AKR1D1: variants seen among roughly 807,000 people sequenced by gnomAD.
AKR1D1 encodes delta(4)-3-ketosteroid 5-beta-reductase.
In AKR1D1, 32 loss-of-function variants were observed where a neutral mutation model predicts 42.6. That is an observed-to-expected ratio of 0.75 (90% confidence interval 0.57 to 1.01). The LOEUF (loss-of-function observed/expected upper bound fraction) is 1.01. Ranked by LOEUF, AKR1D1 falls within the 50% of genes least tolerant of loss-of-function variation. AKR1D1 has a pLI of 0.00. For synonymous variants in AKR1D1, 123 were observed against 135.5 expected (o/e 0.91, Z 0.64); for missense variants, 364 against 402.2 (o/e 0.91, Z 0.81).
chr7:138,116,758 T>A lies in AKR1D1; in HGVS notation c.*96T>A. 8.8e-7 allele frequency: 1 copy of A among 1,134,662 alleles called. No homozygotes were observed. The highest frequency in any genetic ancestry group is 1.3e-6 in the Non-Finnish European group (1 of 756,704). 70.3% of individuals were successfully genotyped at this position (1,134,662 alleles called of 1,614,324 possible). A position where few individuals can be genotyped will look rare whatever the true frequency, so the allele number is the denominator to read the frequency against. On this transcript the variant is annotated 3_prime_UTR_variant, in exon 9 of 9. Coordinates refer to ENST00000242375, the MANE Select transcript of AKR1D1 (RefSeq NM_005989.4). ...ATGTGAAAATGAAGAGAGAGGGTTT[T>A]ACCATCCTGAGAAGAAATAATGATG...
At chr7:138,088,280 T>G (rs1793978466) in intron 1 of AKR1D1, among the ~76,000 whole-genome samples, 1 of 152,216 alleles carries the variant, frequency 6.6e-6, no homozygotes, top group Admixed American at 6.5e-5. Flanking sequence ...TAATTTAGCC[T>G]TCTTCAATCA....
chr7:138,115,208 T>C (rs114522937), intron 8 of AKR1D1, among the ~76,000 whole-genome samples: 2,822 of 152,246 alleles, frequency 0.019, 94 homozygotes, highest in African/African-American at 0.064. Flanking sequence ...TCTGGGAGGC[T>C]AAGATAGGAG....
At position 138,106,628 on chromosome 7, in the gene AKR1D1, C is replaced by T. The variant is rs766498724; in HGVS notation, c.600C>T (p.Phe200=). 14 of 1,614,046 alleles carry T rather than the reference C, an allele frequency of 8.7e-6. No individual in the cohort carries two copies. The South Asian group carries it at 1.4e-4, about 16-fold the overall frequency. The change falls in exon 6 of 9, where the codon TTC becomes TTT. Residue 200 remains phenylalanine, a synonymous_variant. Transcript: ENST00000242375. ...CATAGGTTGAGTGCCATCCGTATTT[C>T]ACCCAGCCAAAACTCTTGAAATTTT... The part of the protein sequence containing the change: ...VSNQVECHPY[F]TQPKLLKFCQ...
chr7:138,111,356 C>G (rs1794533503), intron 7 of AKR1D1, among the ~76,000 whole-genome samples: 1 of 152,162 alleles, frequency 6.6e-6, no homozygotes. Flanking sequence ...TTCCCTTCCC[C>G]CACTATCTCT....
chr7:138,094,729 A>T (rs1428905368), intron 3 of AKR1D1, among the ~76,000 whole-genome samples: 1 of 152,168 alleles, frequency 6.6e-6, no homozygotes, highest in Non-Finnish European at 1.5e-5. Context: ...TATGTTGACC[A>T]TGCTGGTCTG....
intron 1 of AKR1D1, among the ~76,000 whole-genome samples, chr7:138,085,840 G>A (rs1163517304): frequency 6.6e-6 from 1 of 151,594 alleles, no homozygotes; most frequent in Non-Finnish European, 1.5e-5. Flanking sequence ...CATTTGTCTG[G>A]GGCTCCCTTC....
intron 1 of AKR1D1, among the ~76,000 whole-genome samples, chr7:138,077,436 T>C (rs931459922): frequency 6.6e-6 from 1 of 152,202 alleles, no homozygotes; most frequent in Non-Finnish European, 1.5e-5. Flanking sequence ...ACCTTCCCCA[T>C]GATTCAATTA....
In AKR1D1 at chr7:138,113,867, T is replaced by C. The variant is rs570738702; in HGVS notation, c.938+95T>C. On this transcript the variant is annotated intron_variant, in intron 8 of 8. Coordinates refer to ENST00000242375, the MANE Select transcript of AKR1D1 (RefSeq NM_005989.4). ...TCATAAGAACCCTGACCTATGTCCA[T>C]AGCACCAGGGCAAAGCATGGTGGGC... 3.5e-5 allele frequency: 40 copies of C among 1,127,746 alleles called. 2 individuals are homozygous for C. The African/African-American group carries it at 4.6e-4, about 13-fold the overall frequency. The allele number at this position is 1,127,746 out of a possible 1,614,324, so 69.9% of individuals were successfully genotyped here.
chr7:138,087,203 A>AG (rs959226014), intron 1 of AKR1D1, among the ~76,000 whole-genome samples: 6 of 152,164 alleles, frequency 3.9e-5, no homozygotes, highest in Admixed American at 3.9e-4. Flanking sequence ...CATTCTCTGG[A>AG]GAGGAGAAAC....
At position 138,107,432 on chromosome 7, in the gene AKR1D1, C is replaced by T; in HGVS notation, c.707C>T (p.Pro236Leu). 6.2e-7 allele frequency: 1 copy of T among 1,614,050 alleles called. No individual in the cohort carries two copies. The highest frequency in any genetic ancestry group is 8.5e-7 in the Non-Finnish European group (1 of 1,179,938). The change falls in exon 7 of 9, where the codon CCA becomes CTA. Residue 236 changes from proline (P) to leucine (L), a missense_variant. Physicochemically the swap from Pro to Leu is moderately conservative, Grantham distance 98. Coordinates refer to ENST00000242375, the MANE Select transcript of AKR1D1 (RefSeq NM_005989.4). ...RNPIWVNVSS[P>L]PLLKDALLNS... ...TTTTTAAGGGTGAATGTTTCTTCTC[C>T]ACCTTTGTTAAAGGATGCACTTCTA...
chr7:138,104,332 A>T (rs1418972244), intron 4 of AKR1D1, among the ~76,000 whole-genome samples: 1 of 152,096 alleles, frequency 6.6e-6, no homozygotes, highest in Non-Finnish European at 1.5e-5. Context: ...TATGTATGAG[A>T]GAGAGAGGAG....
intron 3 of AKR1D1, among the ~76,000 whole-genome samples, chr7:138,097,561 G>C (rs2117444818): frequency 6.6e-6 from 1 of 152,252 alleles, no homozygotes; most frequent in East Asian, 1.9e-4. Context: ...TAAATTCCTG[G>C]GCACATCTAA....
intron 1 of AKR1D1, among the ~76,000 whole-genome samples, chr7:138,078,641 T>C (rs1012577210): frequency 6.6e-6 from 1 of 152,266 alleles, no homozygotes. Context: ...TATTGTTTGT[T>C]ATCTCTCCCC....
At chr7:138,078,679 A>G (rs1277606694) in intron 1 of AKR1D1, among the ~76,000 whole-genome samples, 82 of 152,230 alleles carry the variant, frequency 5.4e-4, no homozygotes, top group Non-Finnish European at 1.3e-4. Flanking sequence ...GGAGATAACT[A>G]TTGTTCAAAG....
chr7:138,104,711 T>C (rs866086017), intron 4 of AKR1D1, among the ~76,000 whole-genome samples: 23 of 148,574 alleles, frequency 1.5e-4, no homozygotes, highest in African/African-American at 5.7e-4. Flanking sequence ...GCCCAGGTAC[T>C]ATGCCATAAA....
intron 3 of AKR1D1, among the ~76,000 whole-genome samples, chr7:138,097,528 G>A (rs1328405741): frequency 2.0e-5 from 3 of 152,248 alleles, no homozygotes; most frequent in Non-Finnish European, 4.4e-5. Flanking sequence ...TTCAAAGGCT[G>A]TCCCAGCAGG....
At chr7:138,108,661 G>A (rs1794479193) in intron 7 of AKR1D1, among the ~76,000 whole-genome samples, 1 of 152,054 alleles carries the variant, frequency 6.6e-6, no homozygotes, top group African/African-American at 2.4e-5. Context: ...TTGAAGGGAG[G>A]GTGCTATGAG....
chr7:138,100,873 T>A (rs1448557343), intron 4 of AKR1D1, among the ~76,000 whole-genome samples: 1 of 151,538 alleles, frequency 6.6e-6, no homozygotes, highest in Non-Finnish European at 1.5e-5. Context: ...CCTGGCTAAT[T>A]TTTTGTACTT....
Position 138,117,513 on chromosome 7 carries a change from T to A in AKR1D1, c.*851T>A, listed in dbSNP as rs576107883. The A allele has an allele frequency of 1.3e-4, 20 of 152,370 alleles. No individual in the cohort carries two copies. Among genetic ancestry groups the A allele is most frequent in the Admixed American group, 4.6e-4 (7 of 15,298 alleles). The allele number at this position is 152,370 out of a possible 1,614,324, so 9.4% of individuals were successfully genotyped here. A position where few individuals can be genotyped will look rare whatever the true frequency, so the allele number is the denominator to read the frequency against. ...GCTTTTCTTCTTAACTTGGGAGATATATTGAAACAAGGTGCTTTATAAGAT... is the reference window on the plus strand; with the variant it reads ...GCTTTTCTTCTTAACTTGGGAGATAAATTGAAACAAGGTGCTTTATAAGAT... On this transcript the variant is annotated 3_prime_UTR_variant, in exon 9 of 9. Transcript: ENST00000242375.
Sources: gnomAD v4.1 joint callset for allele counts (sites outside exome capture counted in the v4.1 genomes callset) on GRCh38, gnomAD v4.1.1 for gene constraint, MANE v1.5 for transcripts, NCBI Gene and HGNC (gene_info 2026-07-23, HGNC 2026-07-21) for gene names.